Variants in FAM184B observed in about 807,000 individuals in gnomAD.
The protein encoded by FAM184B is family with sequence similarity 184 member B, also known as protein FAM184B.
Under a neutral mutation model 135.9 loss-of-function variants are expected in FAM184B, and 111 were observed. The observed-to-expected ratio is 0.82, with a 90% CI of 0.70 to 0.96. The LOEUF (loss-of-function observed/expected upper bound fraction) is 0.96, where lower values mean the gene tolerates loss of function less well. Among genes scored for constraint, FAM184B ranks in the 40% least tolerant of loss-of-function variants. The pLI is 0.00. For missense variants in FAM184B, 1,375 were observed against 1,323.9 expected (o/e 1.04, Z -0.60); for synonymous variants, 552 against 524.8 (o/e 1.05, Z -0.71).
intron 2 of FAM184B, 90 bp from the exon 3 acceptor site, chr4:17,707,874 C>T (rs1717153799): frequency 6.3e-6 from 9 of 1,438,580 alleles, no homozygotes; most frequent in East Asian, 2.5e-5. Context: ...ACCTGAAAGG[C>T]GGGTATATGC....
At chr4:17,762,754 C>T (rs1181032240) in intron 1 of FAM184B, among the ~76,000 whole-genome samples, 2 of 152,194 alleles carry the variant, frequency 1.3e-5, no homozygotes, top group Admixed American at 1.3e-4. Flanking sequence ...GCCTATAAGA[C>T]ACCTCTTTTT....
At chr4:17,640,091 C>T (rs2108929339) in intron 13 of FAM184B, among the ~76,000 whole-genome samples, 1 of 119,846 alleles carries the variant, frequency 8.3e-6, no homozygotes. Context: ...TTCAGCCTCC[C>T]AAAGTGCTGG....
At chr4:17,704,309 G>T (rs1432894984) in intron 5 of FAM184B, among the ~76,000 whole-genome samples, 1 of 152,180 alleles carries the variant, frequency 6.6e-6, no homozygotes, top group Non-Finnish European at 1.5e-5. Flanking sequence ...AAGAGACGAG[G>T]CTTTGCATGC....
intron 1 of FAM184B, among the ~76,000 whole-genome samples, chr4:17,734,754 A>G (rs1403033178): frequency 2.7e-5 from 4 of 148,594 alleles, no homozygotes; most frequent in Admixed American, 6.8e-5. Flanking sequence ...TAGTTCAACC[A>G]TTGTGGAAGT....
intron 16 of FAM184B, among the ~76,000 whole-genome samples, chr4:17,634,517 T>C (rs1003008114): frequency 1.3e-5 from 2 of 152,010 alleles, no homozygotes; most frequent in African/African-American, 4.8e-5. Flanking sequence ...AGAGTTGGAG[T>C]TTCACCACGT....
At chr4:17,637,641 G>A (rs1482263957) in intron 14 of FAM184B, among the ~76,000 whole-genome samples, 1 of 147,864 alleles carries the variant, frequency 6.8e-6, no homozygotes, top group Admixed American at 6.9e-5. Context: ...CTTTCCTGCT[G>A]GCTTTTGGAT....
At chr4:17,685,096 G>A (rs1716547984) in intron 7 of FAM184B, among the ~76,000 whole-genome samples, 1 of 151,236 alleles carries the variant, frequency 6.6e-6, no homozygotes, top group Non-Finnish European at 1.5e-5. Flanking sequence ...ATACATGCTG[G>A]GCTTAAGACC....
chr4:17,657,577 C>A (rs1715804111), intron 10 of FAM184B, among the ~76,000 whole-genome samples: 1 of 152,110 alleles, frequency 6.6e-6, no homozygotes, highest in South Asian at 2.1e-4. Flanking sequence ...GCCTGAACCA[C>A]CCCACCAGAT....
intron 17 of FAM184B, chr4:17,632,982 CATG>C (rs1025476976): frequency 2.3e-5 from 4 of 174,088 alleles, no homozygotes; most frequent in African/African-American, 9.5e-5. Context: ...AGTGCAGTGG[CATG>C]ATCTCGGCTC....
intron 1 of FAM184B, among the ~76,000 whole-genome samples, chr4:17,766,714 C>A (rs1217342178): frequency 6.6e-6 from 1 of 152,262 alleles, no homozygotes; most frequent in Non-Finnish European, 1.5e-5. Context: ...TTCTCCAAGT[C>A]CCTACTAGAC....
intron 1 of FAM184B, among the ~76,000 whole-genome samples, chr4:17,738,918 C>T (rs1216093267): frequency 6.6e-6 from 1 of 152,222 alleles, no homozygotes; most frequent in Non-Finnish European, 1.5e-5. Context: ...GATCTCTGCA[C>T]ACGCCAGCTC....
intron 15 of FAM184B, among the ~76,000 whole-genome samples, chr4:17,635,526 TTACCTA>T: frequency 6.6e-6 from 1 of 152,198 alleles, no homozygotes; most frequent in South Asian, 2.1e-4. Flanking sequence ...CATCCCCACT[TTACCTA>T]TAATAACTAT....
At chr4:17,723,594 T>G (rs181247906) in intron 1 of FAM184B, among the ~76,000 whole-genome samples, 59 of 152,292 alleles carry the variant, frequency 3.9e-4, no homozygotes, top group African/African-American at 1.3e-3. Context: ...AGCCCATCTC[T>G]TGTCTCTGAC....
intron 1 of FAM184B, among the ~76,000 whole-genome samples, chr4:17,755,149 T>C (rs1229254171): frequency 6.6e-6 from 1 of 152,184 alleles, no homozygotes; most frequent in Non-Finnish European, 1.5e-5. Context: ...GTAAGCTACC[T>C]TGCCCAGTCT....
At chr4:17,688,615 C>A in intron 6 of FAM184B, 84 bp from the exon 7 acceptor site, 1 of 995,376 alleles carries the variant, frequency 1.0e-6, no homozygotes, top group Non-Finnish European at 1.5e-6. Context: ...ATCAATTCTC[C>A]TGGGTCAGTC....
chr4:17,699,111 T>C (rs1379422260), intron 5 of FAM184B, among the ~76,000 whole-genome samples: 2 of 151,974 alleles, frequency 1.3e-5, no homozygotes, highest in Non-Finnish European at 2.9e-5. Context: ...TTATAATATC[T>C]AAAGTGAAAA....
At chr4:17,752,121 T>C (rs1338835426) in intron 1 of FAM184B, among the ~76,000 whole-genome samples, 1 of 152,066 alleles carries the variant, frequency 6.6e-6, no homozygotes, top group Non-Finnish European at 1.5e-5. Context: ...CACTAGGCTG[T>C]ACCAAGCTTG....
chr4:17,636,898 G>A (rs1378060974), intron 14 of FAM184B, among the ~76,000 whole-genome samples: 2 of 152,164 alleles, frequency 1.3e-5, no homozygotes, highest in Non-Finnish European at 2.9e-5. Context: ...TGCACTCAGC[G>A]GGGCTTCAAG....
At chr4:17,718,012 G>C (rs1382874037) in intron 1 of FAM184B, among the ~76,000 whole-genome samples, 5 of 152,074 alleles carry the variant, frequency 3.3e-5, no homozygotes, top group African/African-American at 7.2e-5. Context: ...TTTACAGATG[G>C]GGCTAACTTC....
Sources: allele counts gnomAD v4.1 joint callset (sites outside exome capture counted in the v4.1 genomes callset), GRCh38; gene constraint gnomAD v4.1.1; transcripts MANE v1.5; gene names NCBI Gene and HGNC (gene_info 2026-07-23, HGNC 2026-07-21).